Variants in FDFT1 observed in about 807,000 individuals in gnomAD.
The protein encoded by FDFT1 is farnesyl-diphosphate farnesyltransferase 1, also known as squalene synthase.
Under a neutral mutation model 46.8 loss-of-function variants are expected in FDFT1, and 68 were observed. That is an observed-to-expected ratio of 1.45 (90% CI 1.19 to 1.78). The LOEUF (loss-of-function observed/expected upper bound fraction) is 1.78. Ranked by LOEUF, FDFT1 falls within the 40% of genes most tolerant of loss-of-function variation. The pLI, the probability that FDFT1 is intolerant of heterozygous loss-of-function variation, is 0.00. For synonymous variants in FDFT1, 351 were observed against 185.1 expected, an observed-to-expected ratio of 1.90 and a Z score of -7.28; for missense variants, 928 against 524.4, an observed-to-expected ratio of 1.77 and a Z score of -7.52.
At chr8:11,837,142 G>C (rs1317053637) in intron 7 of FDFT1, among the ~76,000 whole-genome samples, 1 of 152,264 alleles carries the variant, frequency 6.6e-6, no homozygotes, top group Admixed American at 6.5e-5. Flanking sequence ...CGTGGGAGGC[G>C]CATTCCAGAG....
Position 11,819,514 on chromosome 8 carries a change from C to T in FDFT1, c.382-2236C>T, listed in dbSNP as rs968145515. On this transcript the variant is annotated intron_variant, in intron 3 of 7. Coordinates refer to ENST00000220584, the MANE Select transcript of FDFT1 (RefSeq NM_004462.5). ...CATAGCATTGGTCTTTTCACATAGT[C>T]GCATATTTATTGAAGCCTTTGTTCA... Among the ~76,000 whole-genome samples, 9 of 152,198 alleles carry T rather than the reference C, an allele frequency of 5.9e-5. No individual in the cohort carries two copies. The East Asian group carries it at 7.7e-4, about 13-fold the overall frequency.
chr8:11,824,130 C>A (rs779139139), intron 4 of FDFT1, among the ~76,000 whole-genome samples: 16 of 152,260 alleles, frequency 1.1e-4, no homozygotes, highest in South Asian at 2.1e-4. Context: ...CCCAAAATTC[C>A]GGGATTACAG....
At chr8:11,836,583 C>T (rs879605832) in intron 7 of FDFT1, among the ~76,000 whole-genome samples, 1 of 152,256 alleles carries the variant, frequency 6.6e-6, no homozygotes, top group African/African-American at 2.4e-5. Flanking sequence ...TTCACTTCTC[C>T]ACTCGTTTCC....
At chr8:11,819,739 A>T (rs545858943) in intron 3 of FDFT1, among the ~76,000 whole-genome samples, 6 of 152,052 alleles carry the variant, frequency 3.9e-5, no homozygotes. Flanking sequence ...CTAGTTAGCC[A>T]TTTGTCCAAC....
At chr8:11,812,489 G>C (rs191312823) in intron 3 of FDFT1, among the ~76,000 whole-genome samples, 2 of 152,290 alleles carry the variant, frequency 1.3e-5, no homozygotes, top group East Asian at 3.9e-4. Flanking sequence ...GGAAGAGCCT[G>C]GGATATGGGG....
At position 11,830,311 on chromosome 8, in the gene FDFT1, A is replaced by T. The variant is rs151238023; in HGVS notation, c.770A>T (p.Gln257Leu). Reference sequence around the variant, plus strand: ...CCGGAGAATATTGACTTGGCCGTGCAGTGCCTGAATGAACTTATAACCAAT... The same window carrying T: ...CCGGAGAATATTGACTTGGCCGTGCTGTGCCTGAATGAACTTATAACCAAT... ...AKPENIDLAVQCLNELITNAL... is the reference protein window; with the variant it reads ...AKPENIDLAVLCLNELITNAL... The change falls in exon 6 of 8, where the codon CAG becomes CTG. Residue 257 changes from glutamine to leucine, a missense_variant. Transcript: ENST00000220584. 1.1e-5 allele frequency: 17 copies of T among 1,613,948 alleles called. No individual in the cohort carries two copies. Among genetic ancestry groups the T allele is most frequent in the Non-Finnish European group, 1.4e-5 (17 of 1,179,816 alleles).
chr8:11,822,283 A>C (rs1809360867), intron 4 of FDFT1, among the ~76,000 whole-genome samples: 2 of 152,212 alleles, frequency 1.3e-5, no homozygotes, highest in African/African-American at 4.8e-5. Context: ...AGTCAGATTT[A>C]GCAGGCAGAG....
At chr8:11,798,561 G>C (rs145156001), upstream of FDFT1, among the ~76,000 whole-genome samples, 1 of 152,322 alleles carries the variant, frequency 6.6e-6, no homozygotes, top group East Asian at 1.9e-4. Context: ...GGAGAGAAAG[G>C]GCGTTATCAA....
chr8:11,795,651 C>T (rs1415065569), exon 1 of FDFT1: 3 of 151,680 alleles, frequency 2.0e-5, no homozygotes, highest in Admixed American at 1.3e-4. Flanking sequence ...TAATACTTGT[C>T]TGTTTCGGTC....
intron 3 of FDFT1, among the ~76,000 whole-genome samples, chr8:11,810,845 A>G (rs1443184761): frequency 6.7e-6 from 1 of 149,602 alleles, no homozygotes; most frequent in African/African-American, 2.5e-5. Context: ...CCTAATCTGT[A>G]GCTGAGTTGG....
At chr8:11,819,824 C>T (rs1366411953) in intron 3 of FDFT1, among the ~76,000 whole-genome samples, 1 of 151,972 alleles carries the variant, frequency 6.6e-6, no homozygotes, top group African/African-American at 2.4e-5. Context: ...TTGTTATTAC[C>T]AACCTTCTGA....
chr8:11,837,517 C>A lies in FDFT1; in HGVS notation c.1033-871C>A, dbSNP rs549198214. 2.6e-5 allele frequency among the ~76,000 whole-genome samples: 4 copies of A among 152,322 alleles called. No individual in the cohort carries two copies. In the East Asian group the frequency reaches 7.7e-4, roughly 29 times the overall value. On this transcript the variant is annotated intron_variant, in intron 7 of 7. Coordinates refer to ENST00000220584, the MANE Select transcript of FDFT1 (RefSeq NM_004462.5). ...GAAGTGCTGGGATTCCAAACATGAGCCACTGTGCCTGGCCCGGCAACTGTT... is the reference window on the plus strand; with the variant it reads ...GAAGTGCTGGGATTCCAAACATGAGACACTGTGCCTGGCCCGGCAACTGTT...
intron 4 of FDFT1, among the ~76,000 whole-genome samples, chr8:11,824,871 G>A (rs1223003160): frequency 3.3e-5 from 5 of 152,226 alleles, no homozygotes; most frequent in Admixed American, 2.6e-4. Flanking sequence ...GAGTAGCTGG[G>A]ACTACAGGCA....
chr8:11,803,106 G>T, intron 1 of FDFT1, 175 bp downstream of exon 1: 1 of 1,429,394 alleles, frequency 7.0e-7, no homozygotes, highest in Non-Finnish European at 9.1e-7. Context: ...GGGTGGACGC[G>T]GCCGTCCTGG....
chr8:11,838,299 A>G (rs567215246), intron 7 of FDFT1, 89 bp from the exon 8 acceptor site: 3 of 1,005,750 alleles, frequency 3.0e-6, no homozygotes, highest in Admixed American at 1.9e-5. Flanking sequence ...AAATGGGTAT[A>G]AAATACCTGC....
upstream of FDFT1, chr8:11,802,150 C>T (rs1213478549): frequency 2.2e-6 from 1 of 451,302 alleles, no homozygotes; most frequent in Non-Finnish European, 4.4e-6. Flanking sequence ...GTGTGTGGGG[C>T]TCCCTGGGGC....
At chr8:11,818,307 C>G (rs192767197) in intron 3 of FDFT1, among the ~76,000 whole-genome samples, 1 of 152,078 alleles carries the variant, frequency 6.6e-6, no homozygotes, top group Non-Finnish European at 1.5e-5. Flanking sequence ...AGAATAAGTG[C>G]GATGTGGTGC....
chr8:11,819,385 A>C lies in FDFT1; in HGVS notation c.382-2365A>C, dbSNP rs1808909593. Among the ~76,000 whole-genome samples the C allele has an allele frequency of 2.0e-5, 3 of 152,132 alleles. No individual in the cohort carries two copies. In the South Asian group the frequency reaches 6.2e-4, roughly 31 times the overall value. Reference sequence around the variant, plus strand: ...TGTTCTCTGTATTTCCTGAATTTGAATGTTGACCTGCCTTGCTAGGTTGGG... The same window carrying C: ...TGTTCTCTGTATTTCCTGAATTTGACTGTTGACCTGCCTTGCTAGGTTGGG... On this transcript the variant is annotated intron_variant, in intron 3 of 7. Coordinates refer to ENST00000220584, the MANE Select transcript of FDFT1 (RefSeq NM_004462.5).
intron 1 of FDFT1, among the ~76,000 whole-genome samples, chr8:11,806,214 C>G (rs1244428360): frequency 1.3e-5 from 2 of 152,122 alleles, no homozygotes; most frequent in Non-Finnish European, 2.9e-5. Flanking sequence ...CCCTGTTTTT[C>G]TCCCGCTTGC....
Sources: allele counts gnomAD v4.1 joint callset (sites outside exome capture counted in the v4.1 genomes callset), GRCh38; gene constraint gnomAD v4.1.1; transcripts MANE v1.5; gene names NCBI Gene and HGNC (gene_info 2026-07-23, HGNC 2026-07-21).